The following NRXN1 variants were observed in gnomAD, a reference collection of about 807,000 sequenced individuals.
NRXN1 encodes neurexin-1.
In NRXN1, 39 loss-of-function variants were observed where a neutral mutation model predicts 150.9. The ratio of observed to expected loss-of-function variants is 0.26; its 90% CI spans 0.20 to 0.34. The LOEUF is 0.34. Among genes scored for constraint, NRXN1 ranks in the 10% least tolerant of loss-of-function variants. NRXN1 has a pLI of 1.00. For missense variants in NRXN1, 1,815 were observed against 1,949.9 expected (o/e 0.93, Z 1.30); for synonymous variants, 924 against 757.0 (o/e 1.22, Z -3.62).
chr2:49,989,220 C>T (rs1316936697), intron 21 of NRXN1, among the ~76,000 whole-genome samples: 1 of 152,144 alleles, frequency 6.6e-6, no homozygotes, highest in Non-Finnish European at 1.5e-5. Context: ...TGTAATCCAC[C>T]AAGTGAAACC....
chr2:50,636,011 A>C (rs1200972160), intron 5 of NRXN1, among the ~76,000 whole-genome samples: 1 of 152,210 alleles, frequency 6.6e-6, no homozygotes, highest in Admixed American at 6.5e-5. Flanking sequence ...ACTACATTTA[A>C]AATCACTACT....
chr2:50,691,045 T>C (rs903774154), intron 5 of NRXN1, among the ~76,000 whole-genome samples: 1 of 152,204 alleles, frequency 6.6e-6, no homozygotes, highest in Non-Finnish European at 1.5e-5. Context: ...CATTTTCTTG[T>C]AATACTCCAA....
At chr2:50,302,467 A>C (rs893915445) in intron 17 of NRXN1, among the ~76,000 whole-genome samples, 44 of 152,290 alleles carry the variant, frequency 2.9e-4, no homozygotes, top group Middle Eastern at 6.8e-3. Flanking sequence ...TATAGATTAC[A>C]AAGTCCACCA....
In NRXN1 at chr2:50,236,881, G is replaced by C. The variant is rs1035699008; in HGVS notation, c.3454C>G (p.Leu1152Val). 1 of 1,613,342 alleles carries C rather than the reference G, an allele frequency of 6.2e-7. No homozygotes were observed. Among genetic ancestry groups the C allele is most frequent in the South Asian group, 1.1e-5 (1 of 91,080 alleles). The change falls in exon 18 of 23, where the codon CTG (leucine) becomes GTG (valine). Residue 1152 changes from leucine (L) to valine (V), a missense_variant. By Grantham distance (32) the Leu-to-Val change is conservative. Transcript: ENST00000401669. ...TGAACAGTGCTAAAACCTATGGCCA[G>C]TCTGTCTGCTCGTGTACTGGGTCGG... is the stretch of plus-strand genomic sequence containing the variant. ...NDRPSTRADR[L>V]AIGFSTVQKE...
intron 21 of NRXN1, among the ~76,000 whole-genome samples, chr2:49,986,107 CGATCTAAATGAAGT>C (rs1680861006): frequency 6.6e-6 from 1 of 152,122 alleles, no homozygotes. Flanking sequence ...TATGTGACTT[CGATCTAAATGAAGT>C]GATAAATTGG....
At chr2:50,881,573 C>T (rs6419621) in intron 5 of NRXN1, among the ~76,000 whole-genome samples, 74,799 of 151,588 alleles carry the variant, frequency 0.49, 20,255 homozygotes, top group Non-Finnish European at 0.62. Flanking sequence ...AGAAAGGACA[C>T]ACAGGGTTTT....
chr2:50,550,286 G>T (rs1667250325), intron 9 of NRXN1, among the ~76,000 whole-genome samples: 1 of 152,064 alleles, frequency 6.6e-6, no homozygotes, highest in Non-Finnish European at 1.5e-5. Context: ...GAGTGCAATG[G>T]TATGATCACG....
intron 17 of NRXN1, among the ~76,000 whole-genome samples, chr2:50,322,988 A>T (rs2076148233): frequency 6.6e-6 from 1 of 152,228 alleles, no homozygotes; most frequent in South Asian, 2.1e-4. Flanking sequence ...TAGTTGTATG[A>T]CAGTATATAT....
At chr2:50,162,857 A>G (rs2059442818) in intron 18 of NRXN1, among the ~76,000 whole-genome samples, 1 of 151,974 alleles carries the variant, frequency 6.6e-6, no homozygotes. Context: ...AAATATTTTT[A>G]CTTTGTATAA....
chr2:50,263,187 C>T (rs867258789), intron 17 of NRXN1, among the ~76,000 whole-genome samples: 3 of 143,990 alleles, frequency 2.1e-5, no homozygotes, highest in East Asian at 2.1e-4. Context: ...CACACACACA[C>T]ACACACATAC....
At chr2:50,897,568 T>C (rs879398688) in intron 5 of NRXN1, among the ~76,000 whole-genome samples, 9 of 152,238 alleles carry the variant, frequency 5.9e-5, no homozygotes, top group African/African-American at 1.4e-4. Context: ...TAATTTAATA[T>C]TCCTATCAAT....
chr2:50,161,674 C>T (rs2059371656), intron 18 of NRXN1, among the ~76,000 whole-genome samples: 1 of 152,134 alleles, frequency 6.6e-6, no homozygotes, highest in African/African-American at 2.4e-5. Flanking sequence ...GATTTATCTG[C>T]ACTGACAGTC....
chr2:50,439,425 T>C (rs1049113818), intron 17 of NRXN1, among the ~76,000 whole-genome samples: 3 of 152,126 alleles, frequency 2.0e-5, no homozygotes, highest in African/African-American at 4.8e-5. Flanking sequence ...AAAGTGAACA[T>C]TAAAGACAGT....
At chr2:50,488,917 G>T (rs1010907603) in intron 15 of NRXN1, among the ~76,000 whole-genome samples, 4 of 152,144 alleles carry the variant, frequency 2.6e-5, no homozygotes, top group African/African-American at 9.7e-5. Flanking sequence ...TGCACCAAAG[G>T]CTCATCTCTG....
chr2:50,526,647 T>C (rs2092959949), intron 12 of NRXN1: 1 of 152,068 alleles, frequency 6.6e-6, no homozygotes, highest in African/African-American at 2.4e-5. Flanking sequence ...TTGGGTTTCT[T>C]ACTACACCTG....
chr2:50,084,461 C>T (rs925536733), intron 19 of NRXN1, among the ~76,000 whole-genome samples: 5 of 152,200 alleles, frequency 3.3e-5, no homozygotes, highest in Non-Finnish European at 7.3e-5. Context: ...GGTGCTAAGC[C>T]CATCACTGCC....
At chr2:50,816,619 G>C (rs893347624) in intron 5 of NRXN1, among the ~76,000 whole-genome samples, 2 of 152,022 alleles carry the variant, frequency 1.3e-5, no homozygotes, top group African/African-American at 4.8e-5. Flanking sequence ...ATGAGGTGAA[G>C]GGCCTGTATC....
At chr2:50,537,969 G>C (rs2093303588) in intron 10 of NRXN1, among the ~76,000 whole-genome samples, 1 of 152,136 alleles carries the variant, frequency 6.6e-6, no homozygotes, top group Non-Finnish European at 1.5e-5. Context: ...AAAGACAGCA[G>C]TTACTGTCTA....
At chr2:50,456,834 A>T (rs2087611652) in intron 17 of NRXN1, among the ~76,000 whole-genome samples, 1 of 152,078 alleles carries the variant, frequency 6.6e-6, no homozygotes. Context: ...CCACACTAAT[A>T]ACCTCCGACT....
Sources: gnomAD v4.1 joint callset for allele counts (sites outside exome capture counted in the v4.1 genomes callset) on GRCh38, gnomAD v4.1.1 for gene constraint, MANE v1.5 for transcripts, NCBI Gene and HGNC (gene_info 2026-07-23, HGNC 2026-07-21) for gene names.